The following C5orf34 variants were observed in gnomAD, a reference collection of about 807,000 sequenced individuals.
C5orf34 encodes the protein uncharacterized protein C5orf34.
A neutral mutation model predicts 78.4 loss-of-function variants in C5orf34; 73 were observed. That is an observed-to-expected ratio of 0.93 (90% CI 0.77 to 1.13). The LOEUF (loss-of-function observed/expected upper bound fraction) is 1.13, where lower values mean the gene tolerates loss of function less well. C5orf34 is among the 50% of genes most tolerant of loss of function. C5orf34 has a pLI of 0.00. For missense variants in C5orf34, 730 were observed against 732.7 expected (o/e 1.00, Z 0.04); for synonymous variants, 251 against 246.6 (o/e 1.02, Z -0.17).
At chr5:43,503,346 ATCC>A (rs1450407653) in intron 5 of C5orf34, among the ~76,000 whole-genome samples, 12 of 152,208 alleles carry the variant, frequency 7.9e-5, no homozygotes, top group Non-Finnish European at 5.9e-5. Context: ...AAACAACTTG[ATCC>A]TCCAATGCTT....
At chr5:43,514,646 G>C (rs1003147454) in intron 1 of C5orf34, among the ~76,000 whole-genome samples, 160 bp downstream of exon 1, 1 of 152,072 alleles carries the variant, frequency 6.6e-6, no homozygotes, top group African/African-American at 2.4e-5. Context: ...TCCCGCTTGC[G>C]TTCTCATCAC....
At chr5:43,494,707 A>G in intron 6 of C5orf34, 106 bp from the exon 7 acceptor site, 2 of 559,498 alleles carry the variant, frequency 3.6e-6, no homozygotes, top group South Asian at 3.2e-5. Flanking sequence ...CAAGACGAGT[A>G]GTTATTTTAA....
rs1353122972 is a variant in C5orf34 at position 43,486,846 on chromosome 5, G to C, written c.*69C>G. 3 of 931,308 alleles carry C rather than the reference G, an allele frequency of 3.2e-6. No homozygotes were observed. Among genetic ancestry groups the C allele is most frequent in the Non-Finnish European group, 4.6e-6 (3 of 656,402 alleles). 57.7% of individuals were successfully genotyped at this position (931,308 alleles called of 1,614,324 possible). On this transcript the variant is annotated 3_prime_UTR_variant, in exon 13 of 13. Coordinates refer to ENST00000306862, the MANE Select transcript of C5orf34 (RefSeq NM_198566.4). Reference sequence around the variant, plus strand: ...ATACGTACAATATCTTGGCTTACTAGTAATTTTATACCAGTCACTTGAAAC... The same window carrying C: ...ATACGTACAATATCTTGGCTTACTACTAATTTTATACCAGTCACTTGAAAC...
In C5orf34 at chr5:43,509,323, C is replaced by G. The variant is rs374871581; in HGVS notation, c.17G>C (p.Arg6Pro). ...TGAATCATCTTCATAAAGTATCATT[C>G]GCAGTTCAGCTGCCATTACAACGGC... MAAEL[R>P]MILYEDDSVQ... The change falls in exon 2 of 13, where the codon CGA (arginine) becomes CCA (proline). Residue 6 changes from arginine (R) to proline (P), a missense_variant. By Grantham distance (103) the Arg-to-Pro change is moderately radical. Transcript: ENST00000306862. 1.2e-6 allele frequency: 2 copies of G among 1,608,464 alleles called. No individual in the cohort carries two copies. Among genetic ancestry groups the G allele is most frequent in the Non-Finnish European group, 1.7e-6 (2 of 1,177,996 alleles).
rs1410782033 is a variant in C5orf34 at position 43,492,276 on chromosome 5, A to T, written c.1519T>A (p.Leu507Ile). The stretch of plus-strand genomic sequence containing the variant: ...TGCTCTTGTCCATCAGGAAAAGTTA[A>T]CTTACACCAACCTAAGTTAAGACCT... Reference protein sequence around the residue: ...NQGLNLGWCKLTFPDGQEQLI... With the variant: ...NQGLNLGWCKITFPDGQEQLI... The change falls in exon 10 of 13, where the codon TTA becomes ATA. Residue 507 changes from leucine (L) to isoleucine (I), a missense_variant. By Grantham distance (5) the Leu-to-Ile change is conservative (BLOSUM62 2). Transcript: ENST00000306862. 16 of 1,611,774 alleles carry T rather than the reference A, an allele frequency of 9.9e-6. No individual in the cohort carries two copies. Among genetic ancestry groups the T allele is most frequent in the Non-Finnish European group, 1.4e-5 (16 of 1,178,668 alleles).
chr5:43,507,023 T>C (rs1299697402), intron 3 of C5orf34, among the ~76,000 whole-genome samples: 4 of 152,216 alleles, frequency 2.6e-5, no homozygotes, highest in African/African-American at 9.6e-5. Context: ...AAATTCTGTC[T>C]TGCAGGGTTA....
chr5:43,510,571 C>A (rs917916555), intron 1 of C5orf34, among the ~76,000 whole-genome samples: 1 of 152,240 alleles, frequency 6.6e-6, no homozygotes, highest in Non-Finnish European at 1.5e-5. Context: ...CTGCCCAGTG[C>A]CTGTGATTGC....
At chr5:43,503,882 T>G in intron 4 of C5orf34, 122 bp from the exon 5 acceptor site, 1 of 622,426 alleles carries the variant, frequency 1.6e-6, no homozygotes, top group South Asian at 2.0e-5. Flanking sequence ...GATCAAAGAA[T>G]AAAAATTAAT....
rs758771473 is a variant in C5orf34, at chr5:43,506,167, A to G, written c.513T>C (p.Asp171=). Residue 171 remains aspartate (D), a synonymous_variant, in exon 4 of 13, where the codon GAT becomes GAC. Coordinates refer to ENST00000306862, the MANE Select transcript of C5orf34 (RefSeq NM_198566.4). ...TTTTGCCAGTTTTTTCAACTAGTTTATCTTTTGGGGCTTTATTATTTGTTT... is the reference window on the plus strand; with the variant it reads ...TTTTGCCAGTTTTTTCAACTAGTTTGTCTTTTGGGGCTTTATTATTTGTTT... ...LSETNNKAPK[D]KLVEKTGKIC... The G allele has an allele frequency of 6.2e-7, 1 of 1,614,140 alleles. No individual in the cohort carries two copies. The highest frequency in any genetic ancestry group is 2.2e-5 in the East Asian group (1 of 44,880).
At chr5:43,488,120 ATACT>A (rs1383581711) in intron 11 of C5orf34, 171 bp from the exon 12 acceptor site, 4 of 593,370 alleles carry the variant, frequency 6.7e-6, no homozygotes, top group Non-Finnish European at 8.9e-6. Flanking sequence ...GACTCAACTG[ATACT>A]TACTGAGTGC....
intron 6 of C5orf34, among the ~76,000 whole-genome samples, chr5:43,501,112 C>T (rs1416128839): frequency 3.3e-5 from 5 of 152,214 alleles, no homozygotes; most frequent in Admixed American, 3.3e-4. Context: ...ATTATCACCC[C>T]CTCCCGCAAC....
intron 4 of C5orf34, among the ~76,000 whole-genome samples, chr5:43,504,756 AG>A (rs952760341): frequency 1.3e-5 from 2 of 152,226 alleles, no homozygotes; most frequent in African/African-American, 4.8e-5. Flanking sequence ...AGCTATGTGA[AG>A]GATCATGGAT....
At chr5:43,500,666 G>A (rs907022608) in intron 6 of C5orf34, among the ~76,000 whole-genome samples, 2 of 152,214 alleles carry the variant, frequency 1.3e-5, no homozygotes, top group Non-Finnish European at 2.9e-5. Flanking sequence ...AAAGTGCTGT[G>A]ATTACAGGCA....
At chr5:43,500,746 T>C (rs1175132909) in intron 6 of C5orf34, among the ~76,000 whole-genome samples, 1 of 152,252 alleles carries the variant, frequency 6.6e-6, no homozygotes, top group Non-Finnish European at 1.5e-5. Flanking sequence ...TTGTCAAACT[T>C]TTCTTTTATG....
chr5:43,511,464 T>G (rs1480837244), intron 1 of C5orf34, among the ~76,000 whole-genome samples: 2 of 149,348 alleles, frequency 1.3e-5, no homozygotes, highest in Non-Finnish European at 3.0e-5. Context: ...GGGGCGCCTC[T>G]GCCTGGCCGC....
At chr5:43,489,250 C>T (rs114943499) in intron 11 of C5orf34, among the ~76,000 whole-genome samples, 2,667 of 151,556 alleles carry the variant, frequency 0.018, 72 homozygotes, top group African/African-American at 0.061. Flanking sequence ...GAGGGTGTGG[C>T]GGAAAAAAAA....
chr5:43,505,850 T>A lies in C5orf34; in HGVS notation c.830A>T (p.Gln277Leu). 2 of 1,613,446 alleles carry A rather than the reference T, an allele frequency of 1.2e-6. No individual in the cohort carries two copies. Among genetic ancestry groups the A allele is most frequent in the Middle Eastern group, 1.7e-4 (1 of 6,056 alleles). ...NMSKIDAHIT[Q>L]SRFLTSDISE... is the part of the protein sequence containing the mutation. ...AATATCAGAAGTTAAAAATCTACTC[T>A]GAGTTATATGTGCATCAATTTTAGA... The change falls in exon 4 of 13, where the codon CAG becomes CTG. Residue 277 changes from glutamine (Q) to leucine (L), a missense_variant. Transcript: ENST00000306862.
intron 11 of C5orf34, 120 bp from the exon 12 acceptor site, chr5:43,488,069 A>T: frequency 1.5e-6 from 1 of 688,018 alleles, no homozygotes; most frequent in Admixed American, 2.8e-5. Context: ...AACGCAGAAG[A>T]ATTCTCTTTA....
chr5:43,496,129 G>GTCAT, intron 6 of C5orf34: 1 of 1,301,874 alleles, frequency 7.7e-7, no homozygotes, highest in Non-Finnish European at 1.1e-6. Context: ...GGACAGCACA[G>GTCAT]CCTGAGATGT....
Sources: allele counts gnomAD v4.1 joint callset (sites outside exome capture counted in the v4.1 genomes callset), GRCh38; gene constraint gnomAD v4.1.1; transcripts MANE v1.5; gene names NCBI Gene and HGNC (gene_info 2026-07-23, HGNC 2026-07-21).